UBE3D: variants seen among roughly 807,000 people sequenced by gnomAD.
UBE3D encodes the protein ubiquitin protein ligase E3D.
Under a neutral mutation model 49.6 loss-of-function variants are expected in UBE3D, and 48 were observed. The observed-to-expected ratio is 0.97, with a 90% CI of 0.77 to 1.23. UBE3D has a LOEUF of 1.23. UBE3D is among the 50% of genes most tolerant of loss of function. UBE3D has a pLI of 0.00. For missense variants in UBE3D, 452 were observed against 468.4 expected, an observed-to-expected ratio of 0.96 and a Z score of 0.32; for synonymous variants, 189 against 174.2, an observed-to-expected ratio of 1.08 and a Z score of -0.67.
chr6:83,006,398 T>C (rs1039678132), intron 8 of UBE3D, among the ~76,000 whole-genome samples: 2 of 151,864 alleles, frequency 1.3e-5, no homozygotes, highest in Admixed American at 1.3e-4. Context: ...AGATAGGAGG[T>C]CATTAAGATT....
intron 8 of UBE3D, among the ~76,000 whole-genome samples, chr6:83,011,949 G>A (rs1394869016): frequency 9.2e-5 from 14 of 152,070 alleles, no homozygotes; most frequent in African/African-American, 2.4e-5. Context: ...GAGCATACAC[G>A]GCCTTCTGGA....
intron 9 of UBE3D, among the ~76,000 whole-genome samples, chr6:82,899,732 C>T (rs1771591055): frequency 6.6e-6 from 1 of 152,174 alleles, no homozygotes; most frequent in Non-Finnish European, 1.5e-5. Context: ...AACTTCTCCT[C>T]ACTTCTTTTA....
At position 83,019,156 on chromosome 6, in the gene UBE3D, G is replaced by A; in HGVS notation, c.847-20C>T. ...CCATAGCTAAAGATGTGAAGAGAAA[G>A]TCCAAGTATAAGAATATTGTCACCT... On this transcript the variant is annotated intron_variant, in intron 7 of 9. Coordinates refer to ENST00000369747, the MANE Select transcript of UBE3D (RefSeq NM_198920.3). The A allele has an allele frequency of 6.2e-7, 1 of 1,600,392 alleles. No homozygotes were observed. The highest frequency in any genetic ancestry group is 8.5e-7 in the Non-Finnish European group (1 of 1,174,282).
chr6:83,026,929 C>T (rs1211407007), intron 5 of UBE3D, among the ~76,000 whole-genome samples: 2 of 152,094 alleles, frequency 1.3e-5, no homozygotes, highest in African/African-American at 4.8e-5. Context: ...CTCCGCCTCC[C>T]AAAGCAGAAG....
intron 8 of UBE3D, among the ~76,000 whole-genome samples, chr6:82,965,085 C>A (rs1417789058): frequency 6.6e-6 from 1 of 152,134 alleles, no homozygotes; most frequent in Non-Finnish European, 1.5e-5. Flanking sequence ...AAACTTTGCC[C>A]ATATGACTGT....
At chr6:82,895,151 G>C (rs932084833) in intron 9 of UBE3D, among the ~76,000 whole-genome samples, 1 of 151,852 alleles carries the variant, frequency 6.6e-6, no homozygotes, top group Non-Finnish European at 1.5e-5. Flanking sequence ...TCTCTACTAA[G>C]AATACAAAAA....
the UBE3D span, among the ~76,000 whole-genome samples, chr6:82,882,805 G>A: frequency 6.6e-6 from 1 of 152,002 alleles, no homozygotes; most frequent in South Asian, 2.1e-4. Context: ...CAGCCACAAA[G>A]AGAGAACTAT....
At chr6:83,009,159 A>G (rs1009990467) in intron 8 of UBE3D, among the ~76,000 whole-genome samples, 5 of 152,212 alleles carry the variant, frequency 3.3e-5, no homozygotes, top group African/African-American at 4.8e-5. Flanking sequence ...AAAAATCAGC[A>G]AAATAACCAC....
At chr6:83,014,616 C>T (rs1027111287) in intron 8 of UBE3D, among the ~76,000 whole-genome samples, 7 of 152,152 alleles carry the variant, frequency 4.6e-5, no homozygotes, top group Non-Finnish European at 7.3e-5. Flanking sequence ...CTGGAATCAG[C>T]GTCAGCTCAG....
chr6:83,046,679 G>GGT (rs1554211623), intron 3 of UBE3D, among the ~76,000 whole-genome samples: 2 of 129,236 alleles, frequency 1.5e-5, no homozygotes, highest in Non-Finnish European at 3.2e-5. Context: ...TGGCGGGGGG[G>GGT]GTGGGCGGTG....
rs192891981 is a variant in UBE3D, at chr6:82,897,861, T to C, written c.1150-4819A>G. ...TTGGATAAATACTAAAAGATATTCC[T>C]CTCAAAAGAAACTATCATCAGAGTG... is the stretch of plus-strand genomic sequence containing the variant. On this transcript the variant is annotated intron_variant, in intron 9 of 9. Coordinates refer to ENST00000369747, the MANE Select transcript of UBE3D (RefSeq NM_198920.3). 2.0e-5 allele frequency among the ~76,000 whole-genome samples: 3 copies of C among 152,162 alleles called. No individual in the cohort carries two copies. In the East Asian group the frequency reaches 5.8e-4, roughly 29 times the overall value.
At chr6:83,050,473 A>G (rs1435729720) in intron 3 of UBE3D, among the ~76,000 whole-genome samples, 1 of 152,216 alleles carries the variant, frequency 6.6e-6, no homozygotes, top group Non-Finnish European at 1.5e-5. Context: ...GCCAGTAAGC[A>G]GATCTTAACT....
the UBE3D span, among the ~76,000 whole-genome samples, chr6:82,885,266 TCTC>T: frequency 5.5e-3 from 834 of 152,314 alleles, 6 homozygotes; most frequent in African/African-American, 0.018. Context: ...CTTTTCTTCT[TCTC>T]CTCAACCTAC....
chr6:82,893,711 G>C (rs959517169), intron 9 of UBE3D, among the ~76,000 whole-genome samples: 1 of 152,188 alleles, frequency 6.6e-6, no homozygotes, highest in African/African-American at 2.4e-5. Context: ...GTCAAGTATA[G>C]AGCAGAGATA....
chr6:83,058,468 A>G (rs536484726), intron 1 of UBE3D, among the ~76,000 whole-genome samples: 3 of 152,364 alleles, frequency 2.0e-5, no homozygotes, highest in East Asian at 3.9e-4. Flanking sequence ...GGACTTACTA[A>G]TCCAATTCAG....
chr6:83,029,034 T>C (rs1409687778), intron 5 of UBE3D, among the ~76,000 whole-genome samples: 2 of 152,220 alleles, frequency 1.3e-5, no homozygotes, highest in Non-Finnish European at 2.9e-5. Flanking sequence ...CTTTTTACTT[T>C]AAAGATTCTC....
intron 8 of UBE3D, among the ~76,000 whole-genome samples, chr6:82,970,278 T>C (rs1041933837): frequency 5.9e-5 from 9 of 151,624 alleles, no homozygotes; most frequent in Admixed American, 4.6e-4. Flanking sequence ...CAGGCATATA[T>C]GTAAAAATAA....
intron 8 of UBE3D, among the ~76,000 whole-genome samples, chr6:82,968,370 C>T (rs1287792862): frequency 6.8e-6 from 1 of 147,260 alleles, no homozygotes; most frequent in African/African-American, 2.5e-5. Context: ...CACTCTCTGC[C>T]CTCAAATCAA....
chr6:82,957,110 CAGAG>C (rs971301885), intron 9 of UBE3D, among the ~76,000 whole-genome samples, 198 bp downstream of exon 9: 23 of 152,268 alleles, frequency 1.5e-4, no homozygotes, highest in African/African-American at 4.1e-4. Context: ...GCCTGGGCAA[CAGAG>C]AGAGTCTCTG....
Sources: gnomAD v4.1 joint callset for allele counts (sites outside exome capture counted in the v4.1 genomes callset) on GRCh38, gnomAD v4.1.1 for gene constraint, MANE v1.5 for transcripts, NCBI Gene and HGNC (gene_info 2026-07-23, HGNC 2026-07-21) for gene names.